The following NALF1 variants were observed in gnomAD, a reference collection of about 807,000 sequenced individuals.
The protein encoded by NALF1 is family with sequence similarity 155 member A.
A neutral mutation model predicts 48.4 loss-of-function variants in NALF1; 3 were observed. That is an observed-to-expected ratio of 0.06 (90% CI 0.03 to 0.16). The LOEUF is 0.16. Ranked by LOEUF, NALF1 falls within the 10% of genes least tolerant of loss-of-function variation. The pLI is 1.00. For synonymous variants in NALF1, 262 were observed against 245.7 expected, an observed-to-expected ratio of 1.07 and a Z score of -0.62; for missense variants, 526 against 571.5, an observed-to-expected ratio of 0.92 and a Z score of 0.81.
At chr13:107,209,009 C>G (rs1056745226) in intron 2 of NALF1, among the ~76,000 whole-genome samples, 5 of 152,188 alleles carry the variant, frequency 3.3e-5, no homozygotes, top group African/African-American at 7.2e-5. Context: ...ACGGCTATGG[C>G]TGGTCAATGA....
chr13:107,171,415 T>TTATC lies in NALF1; in HGVS notation c.1088-633_1088-630dup, dbSNP rs1878801744. Among the ~76,000 whole-genome samples the TTATC allele has an allele frequency of 3.3e-5, 5 of 152,316 alleles. No individual in the cohort carries two copies. In the South Asian group the frequency reaches 1.0e-3, roughly 32 times the overall value. ...GAAGTCTGCCTCAGTTGAGGCTTCATTATCTTTTGCTGGGACCATCACAGA... is the reference window on the plus strand; with the variant it reads ...GAAGTCTGCCTCAGTTGAGGCTTCATTATCTATCTTTTGCTGGGACCATCACAGA... On this transcript the variant is annotated intron_variant, in intron 2 of 2. Transcript: ENST00000375915.
intron 1 of NALF1, among the ~76,000 whole-genome samples, chr13:107,609,035 T>G (rs959328285): frequency 6.6e-6 from 1 of 152,194 alleles, no homozygotes; most frequent in African/African-American, 2.4e-5. Context: ...AGAGCCCCAG[T>G]TGTGTACAAG....
chr13:107,271,787 TATATATATATATATATATATATA>T (rs1881172777), intron 1 of NALF1, among the ~76,000 whole-genome samples: 2 of 67,372 alleles, frequency 3.0e-5, no homozygotes, highest in African/African-American at 8.5e-5. Flanking sequence ...TATATATATA[TATATATATATATATATATATATA>T]TATATATTTA....
At position 107,654,918 on chromosome 13, in the gene NALF1, C is replaced by T. The variant is rs9555394; in HGVS notation, c.915+210764G>A. ...AAAATCACATGATCATCTCAACAGACGTAGAAAAAGCATTTGACAAAATCC... is the reference window on the plus strand; with the variant it reads ...AAAATCACATGATCATCTCAACAGATGTAGAAAAAGCATTTGACAAAATCC... On this transcript the variant is annotated intron_variant, in intron 1 of 2. Coordinates refer to ENST00000375915, the MANE Select transcript of NALF1 (RefSeq NM_001080396.3). 0.019 allele frequency among the ~76,000 whole-genome samples: 2,932 copies of T among 152,056 alleles called. 152 individuals carry two copies. The East Asian group carries it at 0.2, about 11-fold the overall frequency.
intron 1 of NALF1, among the ~76,000 whole-genome samples, chr13:107,585,147 C>T (rs1878418686): frequency 1.3e-5 from 2 of 151,914 alleles, no homozygotes; most frequent in South Asian, 2.1e-4. Context: ...TTAATCCAAC[C>T]CGGTCATTTT....
intron 1 of NALF1, among the ~76,000 whole-genome samples, chr13:107,473,386 C>A (rs1438179944): frequency 1.3e-5 from 2 of 152,178 alleles, no homozygotes; most frequent in African/African-American, 2.4e-5. Context: ...TTAGAAGTCT[C>A]ACTCTGATTG....
At chr13:107,499,691 C>A (rs1395595759) in intron 1 of NALF1, among the ~76,000 whole-genome samples, 6 of 152,040 alleles carry the variant, frequency 3.9e-5, no homozygotes, top group African/African-American at 1.4e-4. Context: ...TTTGAAGACC[C>A]AAGGGAAAAA....
intron 1 of NALF1, among the ~76,000 whole-genome samples, chr13:107,542,333 G>C (rs1877020994): frequency 1.3e-5 from 2 of 151,986 alleles, no homozygotes; most frequent in South Asian, 2.1e-4. Context: ...GTGGGGGAGG[G>C]GGGCAATGAC....
chr13:107,697,430 TA>T (rs1881723606), intron 1 of NALF1, among the ~76,000 whole-genome samples: 1 of 152,182 alleles, frequency 6.6e-6, no homozygotes, highest in Admixed American at 6.5e-5. Context: ...CTTATCAAAA[TA>T]ATTTTATTTT....
intron 1 of NALF1, among the ~76,000 whole-genome samples, chr13:107,382,057 A>G (rs2138974921): frequency 6.6e-6 from 1 of 152,240 alleles, no homozygotes; most frequent in East Asian, 1.9e-4. Context: ...TGCTTTTCAC[A>G]ATGGTACTGC....
intron 1 of NALF1, among the ~76,000 whole-genome samples, chr13:107,848,169 T>C (rs1880220329): frequency 6.6e-6 from 1 of 152,182 alleles, no homozygotes; most frequent in African/African-American, 2.4e-5. Context: ...CCTTTGGTGG[T>C]TTCTACAAAC....
At chr13:107,334,635 T>A (rs1594124980) in intron 1 of NALF1, among the ~76,000 whole-genome samples, 1 of 152,126 alleles carries the variant, frequency 6.6e-6, no homozygotes, top group East Asian at 1.9e-4. Flanking sequence ...AGAAATGGAG[T>A]CTCTATTTAC....
intron 1 of NALF1, among the ~76,000 whole-genome samples, chr13:107,458,586 AG>A (rs1178220238): frequency 3.3e-5 from 5 of 152,184 alleles, no homozygotes; most frequent in Non-Finnish European, 7.3e-5. Flanking sequence ...GAAGCAGGCG[AG>A]CACAAGGTGA....
intron 1 of NALF1, among the ~76,000 whole-genome samples, chr13:107,280,283 A>G (rs1881361848): frequency 6.6e-6 from 1 of 152,024 alleles, no homozygotes; most frequent in South Asian, 2.1e-4. Context: ...ATTTCTGACT[A>G]CTCTGAAATT....
chr13:107,415,713 T>C (rs1884073381), intron 1 of NALF1, among the ~76,000 whole-genome samples: 1 of 152,188 alleles, frequency 6.6e-6, no homozygotes, highest in Non-Finnish European at 1.5e-5. Context: ...TGTAAATAAA[T>C]AAGAAATTGG....
intron 1 of NALF1, among the ~76,000 whole-genome samples, chr13:107,767,393 C>T (rs1877445468): frequency 6.6e-6 from 1 of 152,184 alleles, no homozygotes; most frequent in Non-Finnish European, 1.5e-5. Context: ...CGATTGTCCC[C>T]TGCCTTGGTG....
intron 1 of NALF1, among the ~76,000 whole-genome samples, chr13:107,672,533 T>C (rs1301624351): frequency 6.6e-6 from 1 of 152,150 alleles, no homozygotes; most frequent in Non-Finnish European, 1.5e-5. Flanking sequence ...GAGAAGATAC[T>C]GGGCGAGAAG....
At chr13:107,860,271 C>A (rs1411711370) in intron 1 of NALF1, among the ~76,000 whole-genome samples, 1 of 152,130 alleles carries the variant, frequency 6.6e-6, no homozygotes, top group Non-Finnish European at 1.5e-5. Flanking sequence ...TCGTTCCCTG[C>A]CCTTGGGATA....
At position 107,751,051 on chromosome 13, in the gene NALF1, A is replaced by G. The variant is rs75222128; in HGVS notation, c.915+114631T>C. Among the ~76,000 whole-genome samples, 159 of 152,354 alleles carry G rather than the reference A, an allele frequency of 1.0e-3. 1 individual carries two copies. Among genetic ancestry groups the G allele is most frequent in the African/African-American group, 3.5e-3 (145 of 41,592 alleles). On this transcript the variant is annotated intron_variant, in intron 1 of 2. Coordinates refer to ENST00000375915, the MANE Select transcript of NALF1 (RefSeq NM_001080396.3). ...TAATCTCTTTCAACTACAAAATGGAATGCAATGTGCTATTAAGCATATTAA... is the reference window on the plus strand; with the variant it reads ...TAATCTCTTTCAACTACAAAATGGAGTGCAATGTGCTATTAAGCATATTAA...
Sources: allele counts gnomAD v4.1 joint callset (sites outside exome capture counted in the v4.1 genomes callset), GRCh38; gene constraint gnomAD v4.1.1; transcripts MANE v1.5; gene names NCBI Gene and HGNC (gene_info 2026-07-23, HGNC 2026-07-21).